KCTD8: variants seen among roughly 807,000 people sequenced by gnomAD.
KCTD8 encodes potassium channel tetramerization domain containing 8, also known as BTB/POZ domain-containing protein KCTD8.
Under a neutral mutation model 31.5 loss-of-function variants are expected in KCTD8, and 27 were observed. The ratio of observed to expected loss-of-function variants is 0.86; its 90% CI spans 0.63 to 1.18. KCTD8 has a LOEUF of 1.18. Ranked by LOEUF, KCTD8 falls within the 50% of genes most tolerant of loss-of-function variation. The probability of loss-of-function intolerance (pLI) is 0.00; values close to 1 mark genes in which losing one functional copy is unlikely to be tolerated. For missense variants in KCTD8, 658 were observed against 647.7 expected (o/e 1.02, Z -0.17); for synonymous variants, 290 against 280.0 (o/e 1.04, Z -0.36).
At chr4:44,304,828 A>G (rs566129175) in intron 1 of KCTD8, among the ~76,000 whole-genome samples, 2 of 152,188 alleles carry the variant, frequency 1.3e-5, no homozygotes, top group East Asian at 3.9e-4. Context: ...CCACAAAAAT[A>G]TATGCATTTG....
chr4:44,252,932 A>C (rs1275624617), intron 1 of KCTD8, among the ~76,000 whole-genome samples: 1 of 151,738 alleles, frequency 6.6e-6, no homozygotes, highest in African/African-American at 2.4e-5. Context: ...CATAACTTAA[A>C]AACCTCCTTG....
intron 1 of KCTD8, among the ~76,000 whole-genome samples, chr4:44,387,976 T>C (rs1334542157): frequency 6.8e-6 from 1 of 147,592 alleles, no homozygotes. Flanking sequence ...CTAACAAAGG[T>C]CTAACATTCA....
At chr4:44,223,176 T>G (rs2109348967) in intron 1 of KCTD8, among the ~76,000 whole-genome samples, 1 of 152,276 alleles carries the variant, frequency 6.6e-6, no homozygotes, top group East Asian at 1.9e-4. Flanking sequence ...AGACTTGGAT[T>G]TCCCCCTAAA....
chr4:44,225,415 T>C (rs894260334), intron 1 of KCTD8, among the ~76,000 whole-genome samples: 12 of 152,320 alleles, frequency 7.9e-5, no homozygotes, highest in Admixed American at 7.8e-4. Context: ...GTCTATTCAA[T>C]TACATATTGT....
intron 1 of KCTD8, among the ~76,000 whole-genome samples, chr4:44,428,462 C>T (rs1412481303): frequency 6.6e-6 from 1 of 151,680 alleles, no homozygotes; most frequent in Non-Finnish European, 1.5e-5. Context: ...CACTTACCCA[C>T]TCTGGGCTTC....
intron 1 of KCTD8, among the ~76,000 whole-genome samples, chr4:44,285,566 C>A (rs779620058): frequency 8.5e-5 from 13 of 152,054 alleles, no homozygotes; most frequent in East Asian, 1.9e-4. Context: ...CGTATGTATA[C>A]TTATGTAACA....
chr4:44,270,947 G>A lies in KCTD8; in HGVS notation c.962-95697C>T, dbSNP rs568610109. Among the ~76,000 whole-genome samples the A allele has an allele frequency of 9.3e-4, 141 of 151,790 alleles. No individual in the cohort carries two copies. The Middle Eastern group carries it at 0.01, about 11-fold the overall frequency. The stretch of plus-strand genomic sequence containing the variant: ...TTTTTCTTCTTTCATTCCTACATTC[G>A]TTTCATATTTTAAGAGTATGAAAAG... On this transcript the variant is annotated intron_variant, in intron 1 of 1. Coordinates refer to ENST00000360029, the MANE Select transcript of KCTD8 (RefSeq NM_198353.3).
In KCTD8 at chr4:44,343,845, G is replaced by T. The variant is rs182042604; in HGVS notation, c.961+103718C>A. 7.7e-3 allele frequency among the ~76,000 whole-genome samples: 1,172 copies of T among 151,654 alleles called. 13 individuals carry two copies. Among genetic ancestry groups the T allele is most frequent in the African/African-American group, 0.026 (1,057 of 41,388 alleles). ...CTGATCACATTACAGGGTTTTTTTT[G>T]TTGTTGTTGTTTGTTTGTTTTGTTT... On this transcript the variant is annotated intron_variant, in intron 1 of 1. Coordinates refer to ENST00000360029, the MANE Select transcript of KCTD8 (RefSeq NM_198353.3).
chr4:44,254,192 A>C (rs189452754), intron 1 of KCTD8, among the ~76,000 whole-genome samples: 1 of 152,072 alleles, frequency 6.6e-6, no homozygotes, highest in Non-Finnish European at 1.5e-5. Context: ...AGTTAAAAAA[A>C]GTGAACTGTT....
At chr4:44,300,501 T>C (rs1170003333) in intron 1 of KCTD8, among the ~76,000 whole-genome samples, 2 of 152,322 alleles carry the variant, frequency 1.3e-5, no homozygotes, top group East Asian at 3.9e-4. Context: ...ATGTATAACA[T>C]GAGAAAACAT....
At chr4:44,330,148 T>C (rs1438238852) in intron 1 of KCTD8, among the ~76,000 whole-genome samples, 1 of 152,006 alleles carries the variant, frequency 6.6e-6, no homozygotes, top group Non-Finnish European at 1.5e-5. Context: ...TAGATACGTT[T>C]GAATCTAATT....
intron 1 of KCTD8, among the ~76,000 whole-genome samples, chr4:44,323,556 C>G (rs1412336505): frequency 7.5e-6 from 1 of 132,646 alleles, no homozygotes; most frequent in Non-Finnish European, 1.5e-5. Context: ...GTAAATAGTT[C>G]AGGAAACGTA....
At chr4:44,272,141 A>ATATATAT (rs1716631369) in intron 1 of KCTD8, among the ~76,000 whole-genome samples, 1 of 149,686 alleles carries the variant, frequency 6.7e-6, no homozygotes, top group African/African-American at 2.5e-5. Flanking sequence ...ATATATATAT[A>ATATATAT]AATGCTGAAC....
At chr4:44,403,153 G>A (rs761051140) in intron 1 of KCTD8, among the ~76,000 whole-genome samples, 14 of 151,942 alleles carry the variant, frequency 9.2e-5, no homozygotes, top group Admixed American at 2.6e-4. Context: ...AATGCATCAC[G>A]TCCAATTACA....
At position 44,448,000 on chromosome 4, in the gene KCTD8, T is replaced by C. The variant is rs1226784070; in HGVS notation, c.524A>G (p.Asp175Gly). The change falls in exon 1 of 2, where the codon GAC becomes GGC. Residue 175 changes from aspartate (D) to glycine (G), a missense_variant. Coordinates refer to ENST00000360029, the MANE Select transcript of KCTD8 (RefSeq NM_198353.3). ...LEDNVSQGSS[D>G]ALLLRGAAAA... Reference sequence around the variant, plus strand: ...CGCCGCCCCGCGCAGCAGCAGCGCGTCGCTGCTACCCTGCGAGACGTTGTC... The same window carrying C: ...CGCCGCCCCGCGCAGCAGCAGCGCGCCGCTGCTACCCTGCGAGACGTTGTC... The C allele has an allele frequency of 6.4e-7, 1 of 1,572,578 alleles. No individual in the cohort carries two copies. Among genetic ancestry groups the C allele is most frequent in the Admixed American group, 1.8e-5 (1 of 54,488 alleles).
At chr4:44,380,962 C>T (rs942048176) in intron 1 of KCTD8, among the ~76,000 whole-genome samples, 2 of 151,858 alleles carry the variant, frequency 1.3e-5, no homozygotes, top group Admixed American at 1.3e-4. Context: ...TATTATTCTA[C>T]CATTTATTAT....
At chr4:44,329,254 G>A (rs929712789) in intron 1 of KCTD8, among the ~76,000 whole-genome samples, 1 of 151,082 alleles carries the variant, frequency 6.6e-6, no homozygotes, top group Non-Finnish European at 1.5e-5. Context: ...ATCAAGAAAT[G>A]ACCAATCTAA....
chr4:44,358,568 T>A (rs1577634874), intron 1 of KCTD8, among the ~76,000 whole-genome samples: 1 of 43,946 alleles, frequency 2.3e-5, no homozygotes, highest in Admixed American at 2.1e-4. Context: ...GTTTCCTGAC[T>A]TTTTTTTTTT....
At chr4:44,392,060 C>CAGGT (rs1270672099) in intron 1 of KCTD8, among the ~76,000 whole-genome samples, 1 of 152,006 alleles carries the variant, frequency 6.6e-6, no homozygotes, top group Non-Finnish European at 1.5e-5. Context: ...CAGTAGCAGA[C>CAGGT]AGGTAGAGGA....
Sources: gnomAD v4.1 joint callset for allele counts (sites outside exome capture counted in the v4.1 genomes callset) on GRCh38, gnomAD v4.1.1 for gene constraint, MANE v1.5 for transcripts, NCBI Gene and HGNC (gene_info 2026-07-23, HGNC 2026-07-21) for gene names.